ARMC9: variants seen among roughly 807,000 people sequenced by gnomAD.
ARMC9 encodes the protein lisH domain-containing protein ARMC9.
Under a neutral mutation model 107.0 loss-of-function variants are expected in ARMC9, and 94 were observed. The observed-to-expected ratio is 0.88, with a 90% confidence interval of 0.74 to 1.04. The LOEUF is 1.04. Among genes scored for constraint, ARMC9 ranks in the 50% least tolerant of loss-of-function variants. The pLI, the probability that ARMC9 is intolerant of heterozygous loss-of-function variation, is 0.00. For synonymous variants in ARMC9, 380 were observed against 396.9 expected (o/e 0.96, Z 0.51); for missense variants, 942 against 1,030.1 (o/e 0.91, Z 1.17).
chr2:231,322,011 C>G (rs2043025017), intron 19 of ARMC9, among the ~76,000 whole-genome samples: 1 of 152,218 alleles, frequency 6.6e-6, no homozygotes, highest in African/African-American at 2.4e-5. Flanking sequence ...AAGCAAGAGA[C>G]TGGGAGAATT....
chr2:231,346,390 G>A lies in ARMC9; in HGVS notation c.1994+1300G>A, dbSNP rs181272922. On this transcript the variant is annotated intron_variant, in intron 21 of 24. Coordinates refer to ENST00000611582, the MANE Select transcript of ARMC9 (RefSeq NM_001352754.2). ...CAAAAAATTAGCCCAGCATGGTGGC[G>A]GGCACCTGTAGTCCCAGCTACTCGG... Among the ~76,000 whole-genome samples the A allele has an allele frequency of 3.9e-5, 6 of 151,932 alleles. No homozygotes were observed. In the East Asian group the frequency reaches 1.2e-3, roughly 29 times the overall value.
intron 7 of ARMC9, among the ~76,000 whole-genome samples, chr2:231,230,493 TCACC>T (rs1255614983): frequency 4.6e-5 from 7 of 152,344 alleles, no homozygotes; most frequent in Non-Finnish European, 7.3e-5. Flanking sequence ...GTTTGAGCTA[TCACC>T]CACGTAGCTT....
chr2:231,280,296 GA>G (rs1373149757), intron 16 of ARMC9, among the ~76,000 whole-genome samples: 6 of 151,798 alleles, frequency 4.0e-5, no homozygotes, highest in Admixed American at 6.6e-5. Flanking sequence ...CTCTCCCACT[GA>G]AAATACAAAA....
intron 21 of ARMC9, among the ~76,000 whole-genome samples, 188 bp from the exon 22 acceptor site, chr2:231,355,610 C>G (rs906443621): frequency 6.6e-6 from 1 of 152,238 alleles, no homozygotes; most frequent in Non-Finnish European, 1.5e-5. Flanking sequence ...CAAGGGGAGG[C>G]TACTGCCTCA....
intron 8 of ARMC9, among the ~76,000 whole-genome samples, chr2:231,238,616 G>C (rs1409790561): frequency 6.6e-6 from 1 of 152,222 alleles, no homozygotes; most frequent in Non-Finnish European, 1.5e-5. Context: ...GTCTCCCAAA[G>C]TGCTGGGATT....
chr2:231,307,294 G>T (rs567365947), intron 19 of ARMC9, among the ~76,000 whole-genome samples: 1 of 152,104 alleles, frequency 6.6e-6, no homozygotes, highest in South Asian at 2.1e-4. Flanking sequence ...AATTTCAGTG[G>T]GCTCTCGAGC....
At chr2:231,254,975 C>T (rs2037633106) in intron 9 of ARMC9, among the ~76,000 whole-genome samples, 1 of 152,160 alleles carries the variant, frequency 6.6e-6, no homozygotes, top group Non-Finnish European at 1.5e-5. Flanking sequence ...CACATAGCCA[C>T]AACACCAAAT....
chr2:231,211,117 GAT>G (rs1229917566), intron 3 of ARMC9, among the ~76,000 whole-genome samples: 1 of 149,834 alleles, frequency 6.7e-6, no homozygotes, highest in Non-Finnish European at 1.5e-5. Context: ...AATAATCTGT[GAT>G]ATATATTCAC....
intron 19 of ARMC9, among the ~76,000 whole-genome samples, chr2:231,314,333 C>T (rs1575051623): frequency 6.6e-6 from 1 of 152,310 alleles, no homozygotes; most frequent in African/African-American, 2.4e-5. Context: ...CCGCCTTGGC[C>T]TCCCAAAGTG....
intron 19 of ARMC9, among the ~76,000 whole-genome samples, chr2:231,319,504 C>T (rs1400911650): frequency 1.3e-5 from 2 of 152,206 alleles, no homozygotes; most frequent in Admixed American, 6.5e-5. Flanking sequence ...GCATAACAAA[C>T]ACCTGAGGCT....
At chr2:231,326,635 A>ACC (rs1179990251) in intron 19 of ARMC9, among the ~76,000 whole-genome samples, 1 of 152,114 alleles carries the variant, frequency 6.6e-6, no homozygotes, top group Non-Finnish European at 1.5e-5. Flanking sequence ...GAGGCGGGGT[A>ACC]GCTTCCCCCA....
Position 231,270,828 on chromosome 2 carries a change from A to T in ARMC9, c.1120-154A>T, listed in dbSNP as rs7604042. 307,442 of 735,228 alleles carry T rather than the reference A, an allele frequency of 0.42. 69,936 individuals are homozygous for T. Among genetic ancestry groups the T allele is most frequent in the African/African-American group, 0.76 (43,355 of 57,160 alleles). The allele number at this position is 735,228 out of a possible 1,614,324, so 45.5% of individuals were successfully genotyped here. On this transcript the variant is annotated intron_variant, in intron 12 of 24. Transcript: ENST00000611582. ...AGTCTCATCAAATTTCAGTTGGAAA[A>T]CAAGGATTCCAGATGAAATGTTTGG...
intron 19 of ARMC9, among the ~76,000 whole-genome samples, chr2:231,314,998 T>C (rs1014484052): frequency 6.6e-6 from 1 of 152,174 alleles, no homozygotes; most frequent in Non-Finnish European, 1.5e-5. Flanking sequence ...CCCAGCACTT[T>C]GGGAGGCCGA....
intron 19 of ARMC9, among the ~76,000 whole-genome samples, chr2:231,327,325 A>G (rs1018668613): frequency 2.6e-5 from 4 of 152,176 alleles, no homozygotes; most frequent in African/African-American, 9.7e-5. Flanking sequence ...TCATAGAAGG[A>G]TCCCTTTTAC....
intron 18 of ARMC9, among the ~76,000 whole-genome samples, chr2:231,293,273 A>T (rs2041143427): frequency 1.3e-5 from 2 of 152,058 alleles, no homozygotes; most frequent in Admixed American, 1.3e-4. Flanking sequence ...TAAGACCTGA[A>T]CCTCAGTGCT....
intron 9 of ARMC9, among the ~76,000 whole-genome samples, chr2:231,249,860 G>A (rs956244146): frequency 4.5e-5 from 5 of 112,212 alleles, no homozygotes; most frequent in Non-Finnish European, 7.5e-5. Context: ...ACACCTCCAC[G>A]GGAGGGAGAC....
At chr2:231,223,162 G>A (rs887911791) in intron 6 of ARMC9, among the ~76,000 whole-genome samples, 1 of 152,194 alleles carries the variant, frequency 6.6e-6, no homozygotes, top group Non-Finnish European at 1.5e-5. Flanking sequence ...AAGCCCTTCA[G>A]GCCATGGCAT....
At chr2:231,222,652 C>A (rs1237849668) in intron 5 of ARMC9, 76 bp from the exon 6 acceptor site, 17 of 810,994 alleles carry the variant, frequency 2.1e-5, no homozygotes, top group African/African-American at 3.5e-5. Flanking sequence ...GTTTTTTAGC[C>A]TAATGACCTC....
At chr2:231,226,722 C>A in intron 6 of ARMC9, 52 bp from the exon 7 acceptor site, 1 of 1,596,306 alleles carries the variant, frequency 6.3e-7, no homozygotes. Context: ...GTCCGATACC[C>A]CAAGTACCGT....
Sources: gnomAD v4.1 joint callset for allele counts (sites outside exome capture counted in the v4.1 genomes callset) on GRCh38, gnomAD v4.1.1 for gene constraint, MANE v1.5 for transcripts, NCBI Gene and HGNC (gene_info 2026-07-23, HGNC 2026-07-21) for gene names.